The following ADGRV1 variants were observed in gnomAD, a reference collection of about 807,000 sequenced individuals.
The protein encoded by ADGRV1 is adhesion G protein-coupled receptor V1, also known as G-protein coupled receptor 98.
A neutral mutation model predicts 596.2 loss-of-function variants in ADGRV1; 359 were observed. The observed-to-expected ratio is 0.60, with a 90% confidence interval of 0.55 to 0.66. The LOEUF is 0.66. Among genes scored for constraint, ADGRV1 ranks in the 30% least tolerant of loss-of-function variants. The pLI is 0.00. For synonymous variants in ADGRV1, 2,681 were observed against 2,679.2 expected, an observed-to-expected ratio of 1.00 and a Z score of -0.02; for missense variants, 7,274 against 7,575.6, an observed-to-expected ratio of 0.96 and a Z score of 1.48.
At chr5:91,098,991 T>A (rs1422496296) in intron 86 of ADGRV1, among the ~76,000 whole-genome samples, 1 of 152,266 alleles carries the variant, frequency 6.6e-6, no homozygotes, top group Non-Finnish European at 1.5e-5. Context: ...TATTAGGGTA[T>A]CTTGTCAGAA....
chr5:90,578,040 C>T (rs1449401474), intron 1 of ADGRV1, among the ~76,000 whole-genome samples: 1 of 152,182 alleles, frequency 6.6e-6, no homozygotes, highest in Non-Finnish European at 1.5e-5. Context: ...TCTAAATATA[C>T]AATCATGTCA....
intron 70 of ADGRV1, among the ~76,000 whole-genome samples, chr5:90,801,846 T>G (rs1414882727): frequency 2.0e-5 from 3 of 152,252 alleles, no homozygotes; most frequent in Non-Finnish European, 4.4e-5. Context: ...AATAACTTTT[T>G]GCATAACATC....
At chr5:90,632,435 T>C (rs373072310) in intron 9 of ADGRV1, among the ~76,000 whole-genome samples, 1 of 152,112 alleles carries the variant, frequency 6.6e-6, no homozygotes, top group African/African-American at 2.4e-5. Context: ...CAAAACTAGT[T>C]TTTACTGTGG....
At position 91,163,923 on chromosome 5, in the gene ADGRV1, A is replaced by G. The variant is rs1797166067; in HGVS notation, c.*23A>G. 1 of 1,089,704 alleles carries G rather than the reference A, an allele frequency of 9.2e-7. No homozygotes were observed. Among genetic ancestry groups the G allele is most frequent in the East Asian group, 2.4e-5 (1 of 41,264 alleles). 67.5% of individuals were successfully genotyped at this position (1,089,704 alleles called of 1,614,324 possible). A position where few individuals can be genotyped will look rare whatever the true frequency, so the allele number is the denominator to read the frequency against. ...TAGCACCTCACTAACCATTCGACTGAGCACACTTTCATATTTGTATCAGCT... is the reference window on the plus strand; with the variant it reads ...TAGCACCTCACTAACCATTCGACTGGGCACACTTTCATATTTGTATCAGCT... On this transcript the variant is annotated 3_prime_UTR_variant, in exon 90 of 90. Coordinates refer to ENST00000405460, the MANE Select transcript of ADGRV1 (RefSeq NM_032119.4).
intron 1 of ADGRV1, among the ~76,000 whole-genome samples, chr5:90,585,825 C>A (rs937168554): frequency 6.6e-6 from 1 of 152,184 alleles, no homozygotes; most frequent in African/African-American, 2.4e-5. Flanking sequence ...ACATAGAGAA[C>A]GAAGCCATCT....
At chr5:90,951,853 C>T (rs1777086512) in intron 83 of ADGRV1, among the ~76,000 whole-genome samples, 1 of 151,986 alleles carries the variant, frequency 6.6e-6, no homozygotes, top group African/African-American at 2.4e-5. Context: ...TCATGAAATC[C>T]AAGTTATAAA....
Position 91,082,659 on chromosome 5 carries a change from A to G in ADGRV1, c.18310+10055A>G, listed in dbSNP as rs550587182. 2.6e-5 allele frequency among the ~76,000 whole-genome samples: 4 copies of G among 152,320 alleles called. 1 individual carries two copies. The highest frequency in any genetic ancestry group is 9.6e-5 in the African/African-American group (4 of 41,568). On this transcript the variant is annotated intron_variant, in intron 86 of 89. Coordinates refer to ENST00000405460, the MANE Select transcript of ADGRV1 (RefSeq NM_032119.4). ...GAAATAGTATGTATAAAACTTGACTAGAGAGTAGAAAAAATTTTTGAGGCT... is the reference window on the plus strand; with the variant it reads ...GAAATAGTATGTATAAAACTTGACTGGAGAGTAGAAAAAATTTTTGAGGCT...
At chr5:90,571,875 G>T (rs759414933) in intron 1 of ADGRV1, among the ~76,000 whole-genome samples, 1 of 152,112 alleles carries the variant, frequency 6.6e-6, no homozygotes, top group Non-Finnish European at 1.5e-5. Flanking sequence ...ATTTCCTGGA[G>T]ATTCAGCTGT....
chr5:91,027,144 A>AACACACACACACAC (rs1184010778), intron 85 of ADGRV1, among the ~76,000 whole-genome samples: 3,560 of 129,142 alleles, frequency 0.028, 80 homozygotes, highest in Middle Eastern at 0.045. Context: ...ACAGTCTCAA[A>AACACACACACACAC]ACACACACAC....
intron 82 of ADGRV1, 55 bp downstream of exon 82, chr5:90,855,956 C>A: frequency 7.1e-7 from 1 of 1,404,722 alleles, no homozygotes; most frequent in Non-Finnish European, 1.0e-6. Flanking sequence ...AAATGAAAGT[C>A]TGTTTTCCCA....
chr5:90,680,478 A>G (rs138252670), intron 26 of ADGRV1, among the ~76,000 whole-genome samples: 3 of 152,362 alleles, frequency 2.0e-5, no homozygotes, highest in Admixed American at 6.5e-5. Context: ...GTAGATTTAT[A>G]TACAAACATG....
At chr5:90,900,835 A>G (rs1771770253) in intron 83 of ADGRV1, among the ~76,000 whole-genome samples, 1 of 152,166 alleles carries the variant, frequency 6.6e-6, no homozygotes. Context: ...TTCTTTTAAA[A>G]GAAAATAAAA....
chr5:90,763,309 T>C lies in ADGRV1; in HGVS notation c.12125T>C (p.Met4042Thr), dbSNP rs778537428. Residue 4042 changes from methionine to threonine, a missense_variant, in exon 59 of 90, where the codon ATG becomes ACG. Physicochemically the swap from Met to Thr is moderately conservative, Grantham distance 81. This residue lies in a region of ADGRV1 where 3,643 missense variants were observed against 3,809.2 expected (regional missense o/e 0.96). Coordinates refer to ENST00000405460, the MANE Select transcript of ADGRV1 (RefSeq NM_032119.4). The stretch of plus-strand genomic sequence containing the variant: ...TACTGAATTTTCTTCTTTCAGGTAA[T>C]GATTGATGAATCCCTTTCATCCGAT... The part of the protein sequence containing the change: ...GVFGFEEKTV[M>T]IDESLSSDDP... 1.3e-6 allele frequency: 2 copies of C among 1,561,226 alleles called. No individual in the cohort carries two copies. Among genetic ancestry groups the C allele is most frequent in the Non-Finnish European group, 1.7e-6 (2 of 1,145,662 alleles).
chr5:90,803,101 T>C (rs1224402476), intron 71 of ADGRV1, among the ~76,000 whole-genome samples: 1 of 152,094 alleles, frequency 6.6e-6, no homozygotes, highest in Non-Finnish European at 1.5e-5. Context: ...CCATATCTCT[T>C]CTTGATATTT....
At chr5:91,112,524 C>T (rs1792465019) in intron 87 of ADGRV1, among the ~76,000 whole-genome samples, 4 of 152,304 alleles carry the variant, frequency 2.6e-5, no homozygotes, top group African/African-American at 9.6e-5. Flanking sequence ...CGTACGTCCT[C>T]TTTAAGAGAG....
chr5:91,161,508 GTT>G (rs372339480), intron 89 of ADGRV1, among the ~76,000 whole-genome samples: 80 of 128,840 alleles, frequency 6.2e-4, no homozygotes, highest in African/African-American at 2.3e-3. Context: ...GTTTTTGTTA[GTT>G]TTTTTTTTTT....
At chr5:90,716,009 A>G (rs10065162) in intron 42 of ADGRV1, among the ~76,000 whole-genome samples, 1,667 of 152,180 alleles carry the variant, frequency 0.011, 26 homozygotes, top group African/African-American at 0.038. Flanking sequence ...TAGTTCTAAT[A>G]TTTTCTCTTA....
chr5:91,103,393 G>C (rs1487080351), intron 87 of ADGRV1, among the ~76,000 whole-genome samples: 1 of 151,214 alleles, frequency 6.6e-6, no homozygotes, highest in Non-Finnish European at 1.5e-5. Flanking sequence ...GATTCAAAGA[G>C]TGAACAATCA....
chr5:91,139,418 T>C (rs1794917816), intron 87 of ADGRV1, among the ~76,000 whole-genome samples: 1 of 152,174 alleles, frequency 6.6e-6, no homozygotes, highest in African/African-American at 2.4e-5. Context: ...AAATCGGGTA[T>C]CTCTAGAAGG....
Sources: gnomAD v4.1 joint callset for allele counts (sites outside exome capture counted in the v4.1 genomes callset) on GRCh38, gnomAD v4.1.1 for gene constraint, gnomAD v4.1.1 regional missense constraint, MANE v1.5 for transcripts, NCBI Gene and HGNC (gene_info 2026-07-23, HGNC 2026-07-21) for gene names.